The following PTBP3 variants were observed in gnomAD, a reference collection of about 807,000 sequenced individuals.
The protein encoded by PTBP3 is polypyrimidine tract binding protein 3, also known as polypyrimidine tract-binding protein 3.
A neutral mutation model predicts 58.7 loss-of-function variants in PTBP3; 20 were observed. That is an observed-to-expected ratio of 0.34 (90% confidence interval 0.24 to 0.50). The LOEUF is 0.50. Ranked by LOEUF, PTBP3 falls within the 20% of genes least tolerant of loss-of-function variation. PTBP3 has a pLI of 0.98. For synonymous variants in PTBP3, 185 were observed against 219.8 expected, an observed-to-expected ratio of 0.84 and a Z score of 1.40; for missense variants, 509 against 637.2, an observed-to-expected ratio of 0.80 and a Z score of 2.17.
At chr9:112,254,194 C>T (rs1458251852) in intron 5 of PTBP3, among the ~76,000 whole-genome samples, 1 of 152,024 alleles carries the variant, frequency 6.6e-6, no homozygotes, top group Admixed American at 6.6e-5. Context: ...CTATGTTGGC[C>T]AGGCTGGTCT....
intron 4 of PTBP3, among the ~76,000 whole-genome samples, chr9:112,263,096 C>T (rs992439479): frequency 6.6e-6 from 1 of 151,966 alleles, no homozygotes; most frequent in East Asian, 1.9e-4. Context: ...GGGGAGGGAG[C>T]GTTGATCAGA....
chr9:112,323,736 A>T (rs1299458733), intron 1 of PTBP3, among the ~76,000 whole-genome samples: 1 of 152,268 alleles, frequency 6.6e-6, no homozygotes, highest in African/African-American at 2.4e-5. Flanking sequence ...GCAAAGGAAA[A>T]TAATTAGAGA....
At chr9:112,255,210 T>G (rs1836296299) in intron 5 of PTBP3, among the ~76,000 whole-genome samples, 1 of 151,362 alleles carries the variant, frequency 6.6e-6, no homozygotes. Flanking sequence ...GCTAGGAGAG[T>G]AGATGAATAA....
intron 6 of PTBP3, among the ~76,000 whole-genome samples, chr9:112,252,038 C>T (rs1033127886): frequency 6.6e-6 from 1 of 151,830 alleles, no homozygotes; most frequent in Admixed American, 6.6e-5. Flanking sequence ...GGATAGATAT[C>T]AACAAGAGGT....
At chr9:112,351,487 A>G in the PTBP3 span, among the ~76,000 whole-genome samples, 1 of 152,186 alleles carries the variant, frequency 6.6e-6, no homozygotes, top group Non-Finnish European at 1.5e-5. Flanking sequence ...CTCTAAAGTT[A>G]TCTTTCCTTG....
At chr9:112,332,724 T>G in intron 1 of PTBP3, 3 of 1,594,666 alleles carry the variant, frequency 1.9e-6, no homozygotes, top group Non-Finnish European at 2.6e-6. Flanking sequence ...CGGACCCCCA[T>G]TAAATTTTTG....
At chr9:112,231,632 G>A (rs1228560236) in intron 9 of PTBP3, among the ~76,000 whole-genome samples, 1 of 151,990 alleles carries the variant, frequency 6.6e-6, no homozygotes, top group Admixed American at 6.6e-5. Flanking sequence ...GGCTAGGCAT[G>A]GTGGCTCACA....
chr9:112,241,022 A>G (rs1835639151), intron 7 of PTBP3, among the ~76,000 whole-genome samples: 1 of 152,224 alleles, frequency 6.6e-6, no homozygotes, highest in Non-Finnish European at 1.5e-5. Flanking sequence ...GAAAGAGTCA[A>G]AAGTTAAAAA....
Position 112,333,050 on chromosome 9 carries a change from G to A in PTBP3, c.-52+420C>T, listed in dbSNP as rs939759432. The A allele has an allele frequency of 3.9e-6, 5 of 1,266,338 alleles. No homozygotes were observed. The African/African-American group carries it at 4.7e-5, about 12-fold the overall frequency. The allele number at this position is 1,266,338 out of a possible 1,614,324, so 78.4% of individuals were successfully genotyped here. On this transcript the variant is annotated intron_variant, in intron 1 of 13. Coordinates refer to ENST00000374257, the MANE Select transcript of PTBP3 (RefSeq NM_001163788.4). ...TCGCCGGTAAACAGCAACTCCCCCG[G>A]CAGGAGGACGCCCGCCCCGCGCGCC... is the stretch of plus-strand genomic sequence containing the variant.
chr9:112,296,951 C>T (rs1828715732), intron 2 of PTBP3, among the ~76,000 whole-genome samples: 1 of 152,060 alleles, frequency 6.6e-6, no homozygotes, highest in Admixed American at 6.6e-5. Flanking sequence ...CTACCACTGC[C>T]ACAGTGCCAG....
intron 2 of PTBP3, among the ~76,000 whole-genome samples, chr9:112,291,860 A>G (rs1828446447): frequency 6.6e-6 from 1 of 152,208 alleles, no homozygotes; most frequent in South Asian, 2.1e-4. Flanking sequence ...GAAAATATGA[A>G]CAAATGGGGC....
intron 5 of PTBP3, among the ~76,000 whole-genome samples, chr9:112,262,086 G>A (rs1456693706): frequency 6.6e-6 from 1 of 152,012 alleles, no homozygotes; most frequent in African/African-American, 2.4e-5. Context: ...ATACTCAAAG[G>A]TAAGAAGCTG....
chr9:112,276,132 G>A (rs1171355820), intron 2 of PTBP3, 119 bp from the exon 3 acceptor site: 4 of 884,688 alleles, frequency 4.5e-6, no homozygotes, highest in East Asian at 2.7e-5. Context: ...TCAGGGAAAC[G>A]TGGGGCTGAT....
At chr9:112,313,550 G>A (rs1342374104) in intron 1 of PTBP3, among the ~76,000 whole-genome samples, 1 of 152,160 alleles carries the variant, frequency 6.6e-6, no homozygotes, top group East Asian at 1.9e-4. Flanking sequence ...TAGGTCCTCT[G>A]GAGAGTCTAT....
chr9:112,280,360 T>C (rs974570583), intron 2 of PTBP3, among the ~76,000 whole-genome samples: 2 of 84,544 alleles, frequency 2.4e-5, no homozygotes, highest in African/African-American at 5.6e-5. Flanking sequence ...TGGGCTGCTG[T>C]TTATTTATTA....
At chr9:112,345,378 A>T in the PTBP3 span, among the ~76,000 whole-genome samples, 3 of 83,298 alleles carry the variant, frequency 3.6e-5, no homozygotes, top group Middle Eastern at 5.6e-3. Context: ...AAAGGAAAAA[A>T]AATTTTTTTT....
At chr9:112,335,046 G>C (rs1472538523), upstream of PTBP3, among the ~76,000 whole-genome samples, 2 of 152,172 alleles carry the variant, frequency 1.3e-5, no homozygotes, top group East Asian at 1.9e-4. Context: ...AGCTGATGCA[G>C]TCTTTCTATC....
the PTBP3 span, among the ~76,000 whole-genome samples, chr9:112,351,601 A>G: frequency 6.6e-6 from 1 of 152,216 alleles, no homozygotes; most frequent in African/African-American, 2.4e-5. Context: ...GTTTACATAA[A>G]TTATTTAGAA....
At chr9:112,291,789 C>T (rs974315856) in intron 2 of PTBP3, among the ~76,000 whole-genome samples, 11 of 152,192 alleles carry the variant, frequency 7.2e-5, no homozygotes, top group Non-Finnish European at 1.3e-4. Flanking sequence ...AGGGGGAAAG[C>T]TTCATGACAG....
Sources: gnomAD v4.1 joint callset for allele counts (sites outside exome capture counted in the v4.1 genomes callset) on GRCh38, gnomAD v4.1.1 for gene constraint, MANE v1.5 for transcripts, NCBI Gene and HGNC (gene_info 2026-07-23, HGNC 2026-07-21) for gene names.